HYCC2: variants seen among roughly 807,000 people sequenced by gnomAD.
HYCC2 encodes hyccin 2.
At chr2:201,042,225 C>T in the HYCC2 span, among the ~76,000 whole-genome samples, 2 of 152,224 alleles carry the variant, frequency 1.3e-5, no homozygotes, top group East Asian at 3.9e-4. Context: ...CCCGAGGTGC[C>T]GGGATTGCAG....
the HYCC2 span, among the ~76,000 whole-genome samples, chr2:201,043,543 CTG>C: frequency 2.7e-5 from 4 of 145,662 alleles, no homozygotes; most frequent in African/African-American, 1.0e-4. Flanking sequence ...GAGTCTCACT[CTG>C]TTGCCTAGGC....
chr2:201,016,433 CA>C, the HYCC2 span, among the ~76,000 whole-genome samples: 1 of 152,038 alleles, frequency 6.6e-6, no homozygotes, highest in South Asian at 2.1e-4. Context: ...GGACTACAGG[CA>C]TATGCCACCA....
chr2:201,033,359 C>T, the HYCC2 span, among the ~76,000 whole-genome samples: 1 of 151,218 alleles, frequency 6.6e-6, no homozygotes, highest in Non-Finnish European at 1.5e-5. Flanking sequence ...CATGTGCCAC[C>T]ATGCTTGGCT....
the HYCC2 span, chr2:200,987,276 AT>A: frequency 8.7e-7 from 1 of 1,148,666 alleles, no homozygotes; most frequent in Non-Finnish European, 1.1e-6. Context: ...ACACATTAGA[AT>A]GGAAAGATGC....
the HYCC2 span, among the ~76,000 whole-genome samples, chr2:201,040,769 G>A: frequency 3.9e-4 from 60 of 152,300 alleles, 1 homozygote; most frequent in Non-Finnish European, 6.5e-4. Flanking sequence ...ACAGGCGTGA[G>A]CCACTGTGCC....
At chr2:200,975,762 A>C in the HYCC2 span, 1 of 152,138 alleles carries the variant, frequency 6.6e-6, no homozygotes, top group Non-Finnish European at 1.5e-5. Context: ...GATTACAAAA[A>C]TACTGAAAAG....
At chr2:201,027,192 G>A in the HYCC2 span, among the ~76,000 whole-genome samples, 2 of 152,138 alleles carry the variant, frequency 1.3e-5, no homozygotes, top group South Asian at 2.1e-4. Context: ...ACAATTCTAC[G>A]CAAATAAACT....
chr2:201,034,664 T>G, the HYCC2 span, among the ~76,000 whole-genome samples: 1 of 152,158 alleles, frequency 6.6e-6, no homozygotes, highest in Non-Finnish European at 1.5e-5. Context: ...GTTAGCTGGT[T>G]ATTTTGCTCG....
chr2:201,034,745 C>T, the HYCC2 span, among the ~76,000 whole-genome samples: 15 of 152,196 alleles, frequency 9.9e-5, no homozygotes, highest in South Asian at 2.1e-4. Flanking sequence ...TGGCTGGTAC[C>T]GGTTGTTCCT....
the HYCC2 span, chr2:201,063,983 C>A: frequency 1.3e-6 from 2 of 1,597,528 alleles, no homozygotes; most frequent in Non-Finnish European, 1.7e-6. Context: ...CTTTGCAAAA[C>A]CACGAAACTA....
chr2:201,062,650 CA>C, the HYCC2 span, among the ~76,000 whole-genome samples: 7 of 135,642 alleles, frequency 5.2e-5, no homozygotes, highest in Admixed American at 7.5e-5. Context: ...GACTCTGTCT[CA>C]CAAAAAAAAA....
the HYCC2 span, among the ~76,000 whole-genome samples, chr2:201,015,238 T>C: frequency 6.6e-6 from 1 of 152,182 alleles, no homozygotes; most frequent in Admixed American, 6.5e-5. Context: ...GATGATCCCA[T>C]GTTCCTAAAC....
At chr2:200,988,391 A>AG in the HYCC2 span, 1 of 1,613,174 alleles carries the variant, frequency 6.2e-7, no homozygotes, top group Non-Finnish European at 8.5e-7. Context: ...GGAGCATCAA[A>AG]TGGTAATGAG....
At chr2:201,014,881 C>T in the HYCC2 span, among the ~76,000 whole-genome samples, 1 of 151,974 alleles carries the variant, frequency 6.6e-6, no homozygotes, top group African/African-American at 2.4e-5. Flanking sequence ...CTTAACTGGA[C>T]ATCATGAGAA....
the HYCC2 span, among the ~76,000 whole-genome samples, chr2:201,037,707 G>A: frequency 6.6e-6 from 1 of 152,198 alleles, no homozygotes; most frequent in African/African-American, 2.4e-5. Context: ...AGCTGAATCT[G>A]GATGCCTTCC....
the HYCC2 span, among the ~76,000 whole-genome samples, chr2:201,057,603 G>C: frequency 6.6e-6 from 1 of 152,094 alleles, no homozygotes; most frequent in Non-Finnish European, 1.5e-5. Context: ...GTTAGAGCAG[G>C]CTCCAAAAGC....
chr2:201,059,746 T>C, the HYCC2 span, among the ~76,000 whole-genome samples: 3 of 152,078 alleles, frequency 2.0e-5, no homozygotes, highest in Admixed American at 1.3e-4. Context: ...TGTGTGCAGG[T>C]TGAAGAGCCC....
chr2:201,035,642 T>A, the HYCC2 span, among the ~76,000 whole-genome samples: 1 of 152,310 alleles, frequency 6.6e-6, no homozygotes. Context: ...CCATTGCTGG[T>A]GAGGAGCTGC....
chr2:201,046,408 G>A, the HYCC2 span, among the ~76,000 whole-genome samples: 4 of 152,110 alleles, frequency 2.6e-5, no homozygotes, highest in Admixed American at 2.6e-4. Flanking sequence ...TTTGTTTTAT[G>A]AGAAGGTTCT....
Sources: allele counts gnomAD v4.1 joint callset (sites outside exome capture counted in the v4.1 genomes callset), GRCh38; gene constraint gnomAD v4.1.1; transcripts MANE v1.5; gene names NCBI Gene and HGNC (gene_info 2026-07-23, HGNC 2026-07-21).